The following DIDO1 variants were observed in gnomAD, a reference collection of about 807,000 sequenced individuals.
DIDO1 encodes the protein death-inducer obliterator 1.
In DIDO1, 16 loss-of-function variants were observed where a neutral mutation model predicts 99.4. That is an observed-to-expected ratio of 0.16 (90% CI 0.11 to 0.24). The LOEUF is 0.24. Among genes scored for constraint, DIDO1 ranks in the 10% least tolerant of loss-of-function variants. The pLI is 1.00. For synonymous variants in DIDO1, 1,366 were observed against 1,239.1 expected (o/e 1.10, Z -2.15); for missense variants, 2,996 against 3,014.0 (o/e 0.99, Z 0.14).
chr20:62,929,071 C>G (rs1174208509), upstream of DIDO1: 1 of 152,204 alleles, frequency 6.6e-6, no homozygotes, highest in Non-Finnish European at 1.5e-5. Context: ...AAAAATACTC[C>G]AGGAGGCAGC....
chr20:62,879,475 G>T lies in DIDO1; in HGVS notation c.6481C>A (p.Arg2161Ser). The change falls in exon 16 of 16, where the codon CGC (arginine) becomes AGC (serine). Residue 2161 changes from arginine (R) to serine (S), a missense_variant. Coordinates refer to ENST00000395343, the MANE Select transcript of DIDO1 (RefSeq NM_001193369.2). This position sits in a 1 kb window ranked among gnomAD's most constrained non-coding sequence, Gnocchi z 6.3. ...RERSANRDRE[R>S]EADRGKEWDR... Reference sequence around the variant, plus strand: ...CACTCCTTGCCCCGGTCGGCCTCGCGCTCTCGGTCGCGGTTGGCGCTCCTC... The same window carrying T: ...CACTCCTTGCCCCGGTCGGCCTCGCTCTCTCGGTCGCGGTTGGCGCTCCTC... The T allele has an allele frequency of 6.3e-7, 1 of 1,579,656 alleles. No homozygotes were observed. Among genetic ancestry groups the T allele is most frequent in the Non-Finnish European group, 8.5e-7 (1 of 1,170,046 alleles).
rs1600986402 is a variant in DIDO1, at chr20:62,907,216, C to A, written c.1305G>T (p.Gln435His). Residue 435 changes from glutamine (Q) to histidine (H), a missense_variant, in exon 5 of 16, where the codon CAG becomes CAT. Coordinates refer to ENST00000395343, the MANE Select transcript of DIDO1 (RefSeq NM_001193369.2). ...TCATCTTTTCTTTAGGCTTTGGCTT[C>A]TGTTCTTTACCTGAGCTTAGAAACT... ...TMKFLSSGKE[Q>H]KPKPKEKMKM... 2 of 1,614,278 alleles carry A rather than the reference C, an allele frequency of 1.2e-6. 1 individual carries two copies. The highest frequency in any genetic ancestry group is 2.2e-5 in the South Asian group (2 of 91,088).
intron 1 of DIDO1, among the ~76,000 whole-genome samples, chr20:62,916,128 A>C (rs2065033345): frequency 6.6e-6 from 1 of 152,204 alleles, no homozygotes; most frequent in African/African-American, 2.4e-5. Context: ...TGTGTGTATA[A>C]TTAGTGTGTA....
At position 62,907,156 on chromosome 20, in the gene DIDO1, G is replaced by A. The variant is rs146285634; in HGVS notation, c.1365C>T (p.Cys455=). The change falls in exon 5 of 16, where the codon TGC becomes TGT. Residue 455 remains cysteine (C), a synonymous_variant. Transcript: ENST00000395343. Reference sequence around the variant, plus strand: ...GTCCTGGTCCACTCACCTGAGCACCGCATTTCGGAAGACTGGGCTTCTCTG... The same window carrying A: ...GTCCTGGTCCACTCACCTGAGCACCACATTTCGGAAGACTGGGCTTCTCTG... ...MKPEKPSLPK[C]GAQAGIKISS... 1.9e-4 allele frequency: 314 copies of A among 1,614,222 alleles called. 2 individuals are homozygous for A. In the African/African-American group the frequency reaches 3.6e-3, roughly 18 times the overall value.
chr20:62,906,771 G>T lies in DIDO1; in HGVS notation c.1374+376C>A, dbSNP rs1201760377. 2.0e-5 allele frequency among the ~76,000 whole-genome samples: 3 copies of T among 152,150 alleles called. No homozygotes were observed. In the East Asian group the frequency reaches 5.8e-4, roughly 29 times the overall value. Reference sequence around the variant, plus strand: ...AACATGAGACAACTCTGAGAGCCGGGTCTTAAATGAAGACCACAGCCTTGC... The same window carrying T: ...AACATGAGACAACTCTGAGAGCCGGTTCTTAAATGAAGACCACAGCCTTGC... On this transcript the variant is annotated intron_variant, in intron 5 of 15. Transcript: ENST00000395343.
At chr20:62,920,657 G>A (rs985772209) in intron 1 of DIDO1, among the ~76,000 whole-genome samples, 3 of 152,208 alleles carry the variant, frequency 2.0e-5, no homozygotes, top group Non-Finnish European at 4.4e-5. Flanking sequence ...GAGGCCCCCG[G>A]ATCAAAGCAG....
At chr20:62,888,761 A>G in intron 15 of DIDO1, 1 of 985,492 alleles carries the variant, frequency 1.0e-6, no homozygotes, top group East Asian at 1.1e-4. Context: ...AGTAATCAGT[A>G]CGTGAAGCGG....
At position 62,881,560 on chromosome 20, in the gene DIDO1, C is replaced by G; in HGVS notation, c.4396G>C (p.Gly1466Arg). The change falls in exon 16 of 16, where the codon GGG becomes CGG. Residue 1466 changes from glycine to arginine, a missense_variant. By Grantham distance (125) the Gly-to-Arg change is moderately radical. Transcript: ENST00000395343. The surrounding 1 kb of genome is among the most constrained non-coding windows in gnomAD (Gnocchi z 8.3). ...SVERPAEPVAGAATPSLVEQQ... is the reference protein window; with the variant it reads ...SVERPAEPVARAATPSLVEQQ... ...TCCACCAGGGAGGGCGTCGCAGCCCCGGCCACCGGCTCGGCAGGCCTCTCC... is the reference window on the plus strand; with the variant it reads ...TCCACCAGGGAGGGCGTCGCAGCCCGGGCCACCGGCTCGGCAGGCCTCTCC... 3.7e-6 allele frequency: 6 copies of G among 1,612,054 alleles called. No homozygotes were observed. Among genetic ancestry groups the G allele is most frequent in the Non-Finnish European group, 5.1e-6 (6 of 1,180,034 alleles).
At position 62,910,979 on chromosome 20, in the gene DIDO1, C is replaced by T. The variant is rs757810566; in HGVS notation, c.634G>A (p.Val212Ile). 27 of 1,614,016 alleles carry T rather than the reference C, an allele frequency of 1.7e-5. No individual in the cohort carries two copies. In the Middle Eastern group the frequency reaches 4.9e-4, roughly 29 times the overall value. Residue 212 changes from valine (V) to isoleucine (I), a missense_variant, in exon 3 of 16, where the codon GTC (valine) becomes ATC (isoleucine). By Grantham distance (29) the Val-to-Ile change is conservative. Around this residue, in one of 5 missense-constraint regions of DIDO1, gnomAD observed 388 missense variants for 376.6 expected, o/e 1.03. Transcript: ENST00000395343. ...TCGGGCTCCTGCTTACTGGGCAGGACGCCCTCCACAGTGTCACTGGCCTCG... is the reference window on the plus strand; with the variant it reads ...TCGGGCTCCTGCTTACTGGGCAGGATGCCCTCCACAGTGTCACTGGCCTCG... ...GSEASDTVEG[V>I]LPSKQEPEND...
Position 62,906,030 on chromosome 20 carries a change from G to A in DIDO1, c.1445C>T (p.Ala482Val). 1 of 1,613,760 alleles carries A rather than the reference G, an allele frequency of 6.2e-7. No homozygotes were observed. The highest frequency in any genetic ancestry group is 8.5e-7 in the Non-Finnish European group (1 of 1,180,026). Reference protein sequence around the residue: ...PEKKETTVKKAVVVPARSEAL... With the variant: ...PEKKETTVKKVVVVPARSEAL... ...TTCACTCCGCGCAGGGACCACCACT[G>A]CCTTCTTCACTGTGGTCTCTTTTTT... is the stretch of plus-strand genomic sequence containing the variant. Residue 482 changes from alanine to valine, a missense_variant, in exon 6 of 16, where the codon GCA becomes GTA. By Grantham distance (64) the Ala-to-Val change is moderately conservative. Transcript: ENST00000395343.
intron 15 of DIDO1, chr20:62,889,153 G>T: frequency 1.0e-6 from 1 of 985,536 alleles, no homozygotes; most frequent in East Asian, 1.1e-4. Context: ...CAGACAAGGT[G>T]AGTGACCCCA....
chr20:62,924,082 C>T (rs1007159267), intron 1 of DIDO1, among the ~76,000 whole-genome samples: 2 of 152,104 alleles, frequency 1.3e-5, no homozygotes, highest in Admixed American at 6.5e-5. Context: ...TCTTTGACCT[C>T]CTCTTTCCCA....
At chr20:62,907,384 A>C in intron 4 of DIDO1, 25 bp from the exon 5 acceptor site, 2 of 1,607,768 alleles carry the variant, frequency 1.2e-6, no homozygotes, top group Non-Finnish European at 1.7e-6. Flanking sequence ...AGATGACTTC[A>C]AACAATGTAC....
At position 62,907,292 on chromosome 20, in the gene DIDO1, G is replaced by A. The variant is rs2064828807; in HGVS notation, c.1229C>T (p.Ser410Leu). Residue 410 changes from serine (S) to leucine (L), a missense_variant, in exon 5 of 16, where the codon TCG (serine) becomes TTG (leucine). Ser to Leu is a moderately radical substitution (Grantham distance 145, BLOSUM62 -2). Transcript: ENST00000395343. ...GATACAGTCATTACTGCAGTACACC[G>A]AGTCGGGCTGCGCCACGTGACAGCA... Reference protein sequence around the residue: ...PGCCHVAQPDSVYCSNDCILK... With the variant: ...PGCCHVAQPDLVYCSNDCILK... The A allele has an allele frequency of 1.9e-6, 3 of 1,614,206 alleles. No individual in the cohort carries two copies. Among genetic ancestry groups the A allele is most frequent in the South Asian group, 1.1e-5 (1 of 91,086 alleles).
chr20:62,916,411 A>C (rs758728634), intron 1 of DIDO1, among the ~76,000 whole-genome samples: 14 of 152,196 alleles, frequency 9.2e-5, no homozygotes, highest in Non-Finnish European at 1.6e-4. Flanking sequence ...CTGACTTCCA[A>C]ATGCTTGAAT....
chr20:62,902,682 C>A (rs2064710548), intron 6 of DIDO1, among the ~76,000 whole-genome samples: 1 of 152,224 alleles, frequency 6.6e-6, no homozygotes, highest in South Asian at 2.1e-4. Context: ...CATTTCACCC[C>A]ACCAGGGCCA....
At chr20:62,904,934 T>C (rs1419743733) in intron 6 of DIDO1, 27 of 947,742 alleles carry the variant, frequency 2.8e-5, no homozygotes, top group Non-Finnish European at 3.3e-5. Flanking sequence ...ATCTTTGAAT[T>C]GAGACTATTT....
upstream of DIDO1, among the ~76,000 whole-genome samples, chr20:62,930,218 CAAA>C (rs11477620): frequency 2.4e-4 from 34 of 140,498 alleles, no homozygotes; most frequent in African/African-American, 8.7e-4. Flanking sequence ...AACAAACAAA[CAAA>C]AAAAAAAAAA....
intron 1 of DIDO1, among the ~76,000 whole-genome samples, chr20:62,933,138 T>C (rs1336940327): frequency 1.3e-5 from 2 of 152,120 alleles, no homozygotes; most frequent in African/African-American, 2.4e-5. Context: ...CTTAAACCGG[T>C]AGGCGGAGGT....
Sources: gnomAD v4.1 joint callset for allele counts (sites outside exome capture counted in the v4.1 genomes callset) on GRCh38, gnomAD v4.1.1 for gene constraint, gnomAD v4.1.1 regional missense constraint, Gnocchi (gnomAD v3.1) non-coding constraint, MANE v1.5 for transcripts, NCBI Gene and HGNC (gene_info 2026-07-23, HGNC 2026-07-21) for gene names.